TAAR5: variants seen among roughly 807,000 people sequenced by gnomAD.
The protein encoded by TAAR5 is trace amine associated receptor 5, also known as trace amine-associated receptor 5.
A neutral mutation model predicts 21.1 loss-of-function variants in TAAR5; 27 were observed. That is an observed-to-expected ratio of 1.28 (90% CI 0.94 to 1.76). TAAR5 has a LOEUF of 1.76. Among genes scored for constraint, TAAR5 ranks in the 40% most tolerant of loss-of-function variants. The pLI is 0.00. For missense variants in TAAR5, 495 were observed against 405.6 expected, an observed-to-expected ratio of 1.22 and a Z score of -1.89; for synonymous variants, 203 against 167.5, an observed-to-expected ratio of 1.21 and a Z score of -1.64.
the TAAR5 span, among the ~76,000 whole-genome samples, chr6:132,606,087 G>T: frequency 5.3e-5 from 8 of 152,198 alleles, no homozygotes; most frequent in East Asian, 7.7e-4. Flanking sequence ...GGTAAAAGTA[G>T]ACACTGGGGA....
At chr6:132,597,603 T>C in the TAAR5 span, among the ~76,000 whole-genome samples, 1 of 152,220 alleles carries the variant, frequency 6.6e-6, no homozygotes, top group African/African-American at 2.4e-5. Flanking sequence ...GTTAAGCCCT[T>C]TATGGCATCT....
chr6:132,611,031 G>A, the TAAR5 span, among the ~76,000 whole-genome samples: 1 of 152,176 alleles, frequency 6.6e-6, no homozygotes, highest in Non-Finnish European at 1.5e-5. Context: ...GAGATTCTAT[G>A]AATGGTACTT....
chr6:132,615,681 C>T, the TAAR5 span, among the ~76,000 whole-genome samples: 1 of 151,610 alleles, frequency 6.6e-6, no homozygotes, highest in Non-Finnish European at 1.5e-5. Context: ...CTCTGTCATC[C>T]TCACTAGAAC....
chr6:132,604,308 A>G, the TAAR5 span, among the ~76,000 whole-genome samples: 2 of 151,730 alleles, frequency 1.3e-5, no homozygotes, highest in Admixed American at 6.6e-5. Context: ...ATGCACAGAT[A>G]ATTTCTGTAT....
chr6:132,611,758 A>G, the TAAR5 span, among the ~76,000 whole-genome samples: 3 of 151,930 alleles, frequency 2.0e-5, no homozygotes, highest in South Asian at 2.1e-4. Context: ...AGGTCATAAG[A>G]CTCTCTTGTG....
chr6:132,590,378 C>T (rs1300189394), upstream of TAAR5, among the ~76,000 whole-genome samples: 1 of 152,178 alleles, frequency 6.6e-6, no homozygotes, highest in African/African-American at 2.4e-5. Context: ...GTTTACACAT[C>T]TTGGTATAAC....
upstream of TAAR5, among the ~76,000 whole-genome samples, chr6:132,590,217 T>C (rs1186877184): frequency 6.6e-6 from 1 of 152,222 alleles, no homozygotes; most frequent in African/African-American, 2.4e-5. Flanking sequence ...TTACATACAT[T>C]GACAATAAAG....
the TAAR5 span, among the ~76,000 whole-genome samples, chr6:132,600,863 AGGAAGGAGAGAGGGAAGGAGGGAAGAAG>A: frequency 1.1e-5 from 1 of 92,486 alleles, no homozygotes. Flanking sequence ...GAGGGAAGGA[AGGAAGGAGAGAGGGAAGGAGGGAAGAAG>A]GGAAGGAGGG....
In TAAR5 at chr6:132,589,577, A is replaced by T; in HGVS notation, c.110T>A (p.Ile37Asn). The T allele has an allele frequency of 6.2e-7, 1 of 1,613,966 alleles. No individual in the cohort carries two copies. Among genetic ancestry groups the T allele is most frequent in the African/African-American group, 1.3e-5 (1 of 74,978 alleles). The change falls in exon 1 of 1, where the codon ATC becomes AAC. Residue 37 changes from isoleucine (I) to asparagine (N), a missense_variant. Physicochemically the swap from Ile to Asn is moderately radical, Grantham distance 149. Coordinates refer to ENST00000258034, the MANE Select transcript of TAAR5 (RefSeq NM_003967.3). The part of the protein sequence containing the change: ...TVHTLGIQLV[I>N]YLACAAGMLI... ...CATGCCTGCTGCACAGGCCAGGTAG[A>T]TGACCAACTGGATGCCCAGAGTATG...
the TAAR5 span, among the ~76,000 whole-genome samples, chr6:132,602,190 C>T: frequency 3.3e-5 from 5 of 152,070 alleles, no homozygotes; most frequent in African/African-American, 1.2e-4. Flanking sequence ...ACAATATTTC[C>T]ACAAATGAGG....
At chr6:132,615,855 AC>A in the TAAR5 span, among the ~76,000 whole-genome samples, 1 of 142,590 alleles carries the variant, frequency 7.0e-6, no homozygotes, top group South Asian at 2.4e-4. Flanking sequence ...TTTCAGTGAA[AC>A]ACAGTTCACT....
At chr6:132,607,162 T>TCCAGC in the TAAR5 span, among the ~76,000 whole-genome samples, 1 of 152,172 alleles carries the variant, frequency 6.6e-6, no homozygotes, top group Admixed American at 6.5e-5. Flanking sequence ...GCCACTGGAC[T>TCCAGC]CCAGCCCGGG....
rs750163178 is a variant in TAAR5, at chr6:132,589,205, A to AC, written c.481dup (p.Val161GlyfsTer38). The stretch of plus-strand genomic sequence containing the variant: ...GAATAACGAAGTGTATGCTGCGGGC[A>AC]CCCCCCATCCTGCCAGGATGTACCT... On this transcript the variant is annotated frameshift_variant, in exon 1 of 1. Transcript: ENST00000258034. LOFTEE classifies it high-confidence loss of function. 20 of 1,604,658 alleles carry AC rather than the reference A, an allele frequency of 1.2e-5. No homozygotes were observed. Among genetic ancestry groups the AC allele is most frequent in the South Asian group, 2.3e-5 (2 of 88,860 alleles).
In TAAR5 at chr6:132,588,921, T is replaced by A; in HGVS notation, c.766A>T (p.Ile256Phe). 1 of 1,614,126 alleles carries A rather than the reference T, an allele frequency of 6.2e-7. No individual in the cohort carries two copies. The highest frequency in any genetic ancestry group is 1.1e-5 in the South Asian group (1 of 91,082). Reference protein sequence around the residue: ...HERKAAKTLGIAVGIYLLCWL... With the variant: ...HERKAAKTLGFAVGIYLLCWL... The stretch of plus-strand genomic sequence containing the variant: ...CACAAGAGGTATATGCCCACAGCAA[T>A]GCCCAGGGTCTTGGCAGCTTTTCTC... The change falls in exon 1 of 1, where the codon ATT becomes TTT. Residue 256 changes from isoleucine (I) to phenylalanine (F), a missense_variant. Ile to Phe is a conservative substitution (Grantham distance 21). Coordinates refer to ENST00000258034, the MANE Select transcript of TAAR5 (RefSeq NM_003967.3).
chr6:132,591,168 G>A (rs1019029873), upstream of TAAR5, among the ~76,000 whole-genome samples: 9 of 152,080 alleles, frequency 5.9e-5, no homozygotes, highest in African/African-American at 1.9e-4. Flanking sequence ...GGTAAGAGTA[G>A]GTACAATTAT....
chr6:132,610,026 A>G, the TAAR5 span, among the ~76,000 whole-genome samples: 1 of 152,108 alleles, frequency 6.6e-6, no homozygotes, highest in Non-Finnish European at 1.5e-5. Flanking sequence ...GATTCTAACT[A>G]GTGAAGCCAT....
chr6:132,589,310 C>A lies in TAAR5; in HGVS notation c.377G>T (p.Cys126Phe), dbSNP rs142040103. The change falls in exon 1 of 1, where the codon TGT becomes TTT. Residue 126 changes from cysteine (C) to phenylalanine (F), a missense_variant. Cys to Phe is a radical substitution (Grantham distance 205, BLOSUM62 -2). Coordinates refer to ENST00000258034, the MANE Select transcript of TAAR5 (RefSeq NM_003967.3). ...ACAGTGGCGGTCAATGGAAATGAAACAGAGATGGAAGATGGAGGTGAGGCA... is the reference window on the plus strand; with the variant it reads ...ACAGTGGCGGTCAATGGAAATGAAAAAGAGATGGAAGATGGAGGTGAGGCA... ...LFCLTSIFHL[C>F]FISIDRHCAI... 2.0e-5 allele frequency: 33 copies of A among 1,612,934 alleles called. No individual in the cohort carries two copies. In the East Asian group the frequency reaches 4.9e-4, roughly 24 times the overall value.
chr6:132,608,063 A>G, the TAAR5 span, among the ~76,000 whole-genome samples: 1 of 152,214 alleles, frequency 6.6e-6, no homozygotes, highest in African/African-American at 2.4e-5. Context: ...TAATTGAGTA[A>G]TTGATTTACT....
chr6:132,589,775 A>AAT (rs1554204990), upstream of TAAR5: 8 of 872,584 alleles, frequency 9.2e-6, no homozygotes, highest in South Asian at 2.1e-5. Flanking sequence ...AAAAAAAAAA[A>AAT]ATATGTCTGC....
Sources: gnomAD v4.1 joint callset for allele counts (sites outside exome capture counted in the v4.1 genomes callset) on GRCh38, gnomAD v4.1.1 for gene constraint, MANE v1.5 for transcripts, NCBI Gene and HGNC (gene_info 2026-07-23, HGNC 2026-07-21) for gene names.